The following POLR1A variants were observed in gnomAD, a reference collection of about 807,000 sequenced individuals.
POLR1A encodes RNA polymerase I subunit A.
Under a neutral mutation model 205.3 loss-of-function variants are expected in POLR1A, and 84 were observed. The observed-to-expected ratio is 0.41, with a 90% CI of 0.34 to 0.49. POLR1A has a LOEUF of 0.49. Among genes scored for constraint, POLR1A ranks in the 20% least tolerant of loss-of-function variants. The pLI is 0.22. For missense variants in POLR1A, 1,645 were observed against 2,204.5 expected (o/e 0.75, Z 5.08); for synonymous variants, 799 against 863.7 (o/e 0.93, Z 1.31).
chr2:86,091,961 A>C (rs1467969514), intron 3 of POLR1A, among the ~76,000 whole-genome samples: 1 of 151,948 alleles, frequency 6.6e-6, no homozygotes, highest in Admixed American at 6.6e-5. Context: ...TAAAAATACA[A>C]AAAATTAGCT....
At chr2:86,090,141 C>T (rs1298974366) in intron 3 of POLR1A, among the ~76,000 whole-genome samples, 2 of 152,080 alleles carry the variant, frequency 1.3e-5, no homozygotes, top group Admixed American at 6.5e-5. Flanking sequence ...CACCTGTAAT[C>T]CCAGCACTTT....
At chr2:86,090,043 G>T in intron 3 of POLR1A, 114 bp from the exon 4 acceptor site, 1 of 636,700 alleles carries the variant, frequency 1.6e-6, no homozygotes, top group Admixed American at 2.8e-5. Context: ...GGGAGAAAAA[G>T]AAACTATGGC....
chr2:86,093,997 T>G (rs1039475330), intron 3 of POLR1A, among the ~76,000 whole-genome samples: 3 of 152,260 alleles, frequency 2.0e-5, no homozygotes, highest in African/African-American at 7.2e-5. Context: ...CGGGCATGTC[T>G]GATGTTTCCT....
intron 27 of POLR1A, 25 bp downstream of exon 27, chr2:86,038,675 T>G (rs371672479): frequency 7.6e-5 from 122 of 1,610,682 alleles, no homozygotes; most frequent in South Asian, 3.2e-4. Flanking sequence ...TCAAGGTCAA[T>G]GACAATCACA....
At chr2:86,036,165 C>T (rs3770090) in intron 27 of POLR1A, among the ~76,000 whole-genome samples, 25,060 of 152,184 alleles carry the variant, frequency 0.16, 4,732 homozygotes, top group African/African-American at 0.46. Flanking sequence ...GCAACAGCTC[C>T]ACCACCTGCT....
At chr2:86,040,594 G>A in intron 24 of POLR1A, 35 bp from the exon 25 acceptor site, 1 of 1,477,938 alleles carries the variant, frequency 6.8e-7, no homozygotes, top group Non-Finnish European at 9.0e-7. Flanking sequence ...GGTGGGGGTT[G>A]TGGCAGGGGT....
chr2:86,041,184 T>C (rs867310108), intron 24 of POLR1A, among the ~76,000 whole-genome samples: 109 of 123,316 alleles, frequency 8.8e-4, no homozygotes, highest in African/African-American at 3.1e-3. Context: ...TGTGTGTGTG[T>C]GTGTGTGCGC....
chr2:86,101,828 T>C (rs982992641), intron 1 of POLR1A, among the ~76,000 whole-genome samples: 40 of 152,174 alleles, frequency 2.6e-4, no homozygotes, highest in African/African-American at 9.7e-4. Context: ...ATCATTTTAC[T>C]TTCTGTTTTG....
intron 5 of POLR1A, 24 bp from the exon 6 acceptor site, chr2:86,088,693 T>C (rs770736023): frequency 8.1e-6 from 13 of 1,607,462 alleles, no homozygotes; most frequent in Admixed American, 1.7e-5. Context: ...CAGTTGTGAT[T>C]GAAGAGAGAA....
chr2:86,072,528 G>A (rs1387218507), intron 12 of POLR1A, among the ~76,000 whole-genome samples: 1 of 152,252 alleles, frequency 6.6e-6, no homozygotes, highest in Non-Finnish European at 1.5e-5. Context: ...AGAAGCCCTG[G>A]AGCACAGGGT....
chr2:86,103,617 T>C (rs1673862467), intron 1 of POLR1A, among the ~76,000 whole-genome samples: 1 of 152,330 alleles, frequency 6.6e-6, no homozygotes, highest in East Asian at 1.9e-4. Context: ...ATGATATAAT[T>C]GGAATTTCTG....
intron 9 of POLR1A, 136 bp downstream of exon 9, chr2:86,080,680 A>G: frequency 1.3e-6 from 1 of 760,978 alleles, no homozygotes; most frequent in Non-Finnish European, 2.0e-6. Flanking sequence ...CTAAGCCCAG[A>G]GCTCACACTA....
chr2:86,037,387 C>G (rs1203610708), intron 27 of POLR1A, among the ~76,000 whole-genome samples: 1 of 152,276 alleles, frequency 6.6e-6, no homozygotes, highest in African/African-American at 2.4e-5. Context: ...TCCTCCACCC[C>G]AAGACCCACC....
intron 14 of POLR1A, among the ~76,000 whole-genome samples, chr2:86,055,746 A>G (rs1672883689): frequency 6.6e-6 from 1 of 152,234 alleles, no homozygotes; most frequent in African/African-American, 2.4e-5. Flanking sequence ...CCCTTTCAGG[A>G]TAAAAATACT....
At chr2:86,039,790 C>T (rs1260942218) in intron 25 of POLR1A, among the ~76,000 whole-genome samples, 1 of 152,202 alleles carries the variant, frequency 6.6e-6, no homozygotes, top group Non-Finnish European at 1.5e-5. Flanking sequence ...CAACTAGCAC[C>T]CACAGTGCTC....
At chr2:86,097,059 T>C (rs1256139268) in intron 3 of POLR1A, among the ~76,000 whole-genome samples, 4 of 151,408 alleles carry the variant, frequency 2.6e-5, no homozygotes, top group Admixed American at 2.6e-4. Flanking sequence ...AATGGGCAAA[T>C]GATCTGAACA....
rs772610239 is a variant in POLR1A, at chr2:86,052,971, G to A, written c.2238C>T (p.Cys746=). Residue 746 remains cysteine, a synonymous_variant, in exon 16 of 34, where the codon TGC becomes TGT. Transcript: ENST00000263857. ...CATAGTGCGCCTTGTCCAGCACTCC[G>A]CAGAGCAGCTCCCCTTCCCTGATGA... The part of the protein sequence containing the change: ...QVIIREGELL[C]GVLDKAHYGS... 34 of 1,596,860 alleles carry A rather than the reference G, an allele frequency of 2.1e-5. No individual in the cohort carries two copies. Among genetic ancestry groups the A allele is most frequent in the East Asian group, 4.6e-5 (2 of 43,334 alleles).
intron 18 of POLR1A, among the ~76,000 whole-genome samples, chr2:86,048,206 G>T (rs893418903): frequency 1.3e-5 from 2 of 152,372 alleles, no homozygotes; most frequent in African/African-American, 4.8e-5. Flanking sequence ...GGGCCCAGGA[G>T]GCAGGGTGAG....
At chr2:86,035,758 TC>T (rs1170473518) in intron 27 of POLR1A, among the ~76,000 whole-genome samples, 2 of 152,206 alleles carry the variant, frequency 1.3e-5, no homozygotes, top group Non-Finnish European at 2.9e-5. Flanking sequence ...TACTCATCCT[TC>T]AAGGCCAGGC....
Sources: gnomAD v4.1 joint callset for allele counts (sites outside exome capture counted in the v4.1 genomes callset) on GRCh38, gnomAD v4.1.1 for gene constraint, MANE v1.5 for transcripts, NCBI Gene and HGNC (gene_info 2026-07-23, HGNC 2026-07-21) for gene names.